Variants in MCPH1 observed in about 807,000 individuals in gnomAD.
MCPH1 encodes the protein microcephalin.
Under a neutral mutation model 84.5 loss-of-function variants are expected in MCPH1, and 104 were observed. That is an observed-to-expected ratio of 1.23 (90% confidence interval 1.05 to 1.45). MCPH1 has a LOEUF of 1.45. Ranked by LOEUF, MCPH1 falls within the 40% of genes most tolerant of loss-of-function variation. The pLI is 0.00. For missense variants in MCPH1, 1,498 were observed against 1,005.7 expected, an observed-to-expected ratio of 1.49 and a Z score of -6.62; for synonymous variants, 514 against 366.8, an observed-to-expected ratio of 1.40 and a Z score of -4.58.
chr8:6,557,217 C>T (rs1267114079), intron 12 of MCPH1, among the ~76,000 whole-genome samples: 5 of 152,228 alleles, frequency 3.3e-5, no homozygotes, highest in South Asian at 2.1e-4. Flanking sequence ...TTTGCTTTAC[C>T]GCTGGGCAAT....
At chr8:6,576,740 T>G (rs58546005) in intron 12 of MCPH1, among the ~76,000 whole-genome samples, 8,168 of 131,234 alleles carry the variant, frequency 0.062, 381 homozygotes, top group East Asian at 0.097. Flanking sequence ...TAGAGATGGG[T>G]TTTCACCATA....
At chr8:6,579,042 C>T (rs558394855) in intron 12 of MCPH1, among the ~76,000 whole-genome samples, 2 of 152,232 alleles carry the variant, frequency 1.3e-5, no homozygotes, top group Admixed American at 6.5e-5. Context: ...ATACTGAGGC[C>T]CTGTGGGATG....
intron 3 of MCPH1, among the ~76,000 whole-genome samples, chr8:6,417,270 G>A (rs981436949): frequency 7.2e-5 from 11 of 152,066 alleles, no homozygotes; most frequent in Non-Finnish European, 2.9e-5. Context: ...AAAGTTTTCT[G>A]TAAAGGGACA....
chr8:6,553,599 C>T (rs1824058979), intron 12 of MCPH1, among the ~76,000 whole-genome samples: 2 of 152,154 alleles, frequency 1.3e-5, no homozygotes, highest in Admixed American at 1.3e-4. Context: ...TATCCCTTTG[C>T]CATAGTTTGG....
At chr8:6,499,742 C>G in intron 11 of MCPH1, 110 bp from the exon 12 acceptor site, 1 of 871,752 alleles carries the variant, frequency 1.1e-6, no homozygotes, top group Non-Finnish European at 1.9e-6. Flanking sequence ...ACATCTATTT[C>G]AGATCTGCGG....
intron 11 of MCPH1, among the ~76,000 whole-genome samples, chr8:6,492,766 TTAA>T (rs1008638309): frequency 5.3e-5 from 8 of 149,858 alleles, no homozygotes; most frequent in African/African-American, 1.5e-4. Flanking sequence ...TATTATAAAA[TTAA>T]TAATCTTTCA....
intron 12 of MCPH1, among the ~76,000 whole-genome samples, chr8:6,550,219 C>T (rs1369520553): frequency 6.6e-6 from 1 of 152,232 alleles, no homozygotes; most frequent in Non-Finnish European, 1.5e-5. Context: ...CTGGCTACCG[C>T]TAGGTGGCTG....
At chr8:6,518,005 A>T (rs935234239) in intron 12 of MCPH1, among the ~76,000 whole-genome samples, 7 of 152,188 alleles carry the variant, frequency 4.6e-5, no homozygotes, top group South Asian at 2.1e-4. Context: ...AATGTTTCCA[A>T]CCATGACCTG....
chr8:6,495,105 C>A (rs1055054292), intron 11 of MCPH1, among the ~76,000 whole-genome samples: 1 of 151,964 alleles, frequency 6.6e-6, no homozygotes, highest in Non-Finnish European at 1.5e-5. Context: ...TCAAGCTGGT[C>A]TCTTTGGAAG....
chr8:6,427,479 C>A (rs1348527412), intron 3 of MCPH1, among the ~76,000 whole-genome samples: 1 of 152,132 alleles, frequency 6.6e-6, no homozygotes, highest in Admixed American at 6.6e-5. Context: ...TCAAGCAATC[C>A]TCCTGCCTCA....
intron 12 of MCPH1, among the ~76,000 whole-genome samples, chr8:6,615,422 C>T (rs768368818): frequency 3.3e-5 from 5 of 152,186 alleles, no homozygotes; most frequent in Non-Finnish European, 5.9e-5. Flanking sequence ...GTTCACTTAA[C>T]GACACAACGA....
At chr8:6,482,471 T>G (rs1297168189) in intron 11 of MCPH1, among the ~76,000 whole-genome samples, 2 of 152,248 alleles carry the variant, frequency 1.3e-5, no homozygotes, top group African/African-American at 4.8e-5. Flanking sequence ...GAATGAGTTC[T>G]GTGTTTTATT....
At chr8:6,538,465 A>G (rs569740300) in intron 12 of MCPH1, among the ~76,000 whole-genome samples, 1 of 152,164 alleles carries the variant, frequency 6.6e-6, no homozygotes, top group African/African-American at 2.4e-5. Context: ...GCCTGAGGAT[A>G]AGGTCCAGAT....
Position 6,559,858 on chromosome 8 carries a change from A to G in MCPH1, c.2214+59929A>G, listed in dbSNP as rs577058711. On this transcript the variant is annotated intron_variant, in intron 12 of 13. Coordinates refer to ENST00000344683, the MANE Select transcript of MCPH1 (RefSeq NM_024596.5). ...CAGTGTGTTTTGTGTGCTAGCGATC[A>G]TGAGTTTATCTGATCCTTGTTTAAC... Among the ~76,000 whole-genome samples, 10 of 152,362 alleles carry G rather than the reference A, an allele frequency of 6.6e-5. No homozygotes were observed. In the South Asian group the frequency reaches 1.7e-3, roughly 25 times the overall value.
At chr8:6,453,324 A>AAAG (rs67222887) in intron 8 of MCPH1, among the ~76,000 whole-genome samples, 3 of 152,066 alleles carry the variant, frequency 2.0e-5, no homozygotes, top group Non-Finnish European at 2.9e-5. Context: ...TGTTTTAAAT[A>AAAG]AAATCATTTA....
At chr8:6,541,810 C>T (rs1007792252) in intron 12 of MCPH1, among the ~76,000 whole-genome samples, 1 of 152,072 alleles carries the variant, frequency 6.6e-6, no homozygotes, top group Non-Finnish European at 1.5e-5. Flanking sequence ...TCAAGACCAG[C>T]CTAGGCAACA....
At chr8:6,539,166 T>C (rs1267208313) in intron 12 of MCPH1, among the ~76,000 whole-genome samples, 1 of 152,178 alleles carries the variant, frequency 6.6e-6, no homozygotes. Flanking sequence ...CACTTTGTCC[T>C]CCTAAACCCC....
intron 9 of MCPH1, among the ~76,000 whole-genome samples, chr8:6,463,216 C>G (rs1464612344): frequency 1.3e-5 from 2 of 152,158 alleles, no homozygotes; most frequent in African/African-American, 4.8e-5. Flanking sequence ...TCTGTCATCT[C>G]CCCCAGGAGG....
At chr8:6,450,370 G>A (rs1001028288) in intron 8 of MCPH1, among the ~76,000 whole-genome samples, 67 of 151,720 alleles carry the variant, frequency 4.4e-4, no homozygotes, top group African/African-American at 1.5e-3. Context: ...TTTGCTGGAG[G>A]CAGACAACAT....
Sources: allele counts gnomAD v4.1 joint callset (sites outside exome capture counted in the v4.1 genomes callset), GRCh38; gene constraint gnomAD v4.1.1; transcripts MANE v1.5; gene names NCBI Gene and HGNC (gene_info 2026-07-23, HGNC 2026-07-21).